The following PCDHA1 variants were observed in gnomAD, a reference collection of about 807,000 sequenced individuals.
The protein encoded by PCDHA1 is protocadherin alpha 1, also known as protocadherin alpha-1.
A neutral mutation model predicts 61.3 loss-of-function variants in PCDHA1; 42 were observed. That is an observed-to-expected ratio of 0.69 (90% CI 0.54 to 0.89). PCDHA1 has a LOEUF of 0.89. Among genes scored for constraint, PCDHA1 ranks in the 40% least tolerant of loss-of-function variants. The pLI, the probability that PCDHA1 is intolerant of heterozygous loss-of-function variation, is 0.00. For missense variants in PCDHA1, 1,256 were observed against 1,235.3 expected, an observed-to-expected ratio of 1.02 and a Z score of -0.25; for synonymous variants, 610 against 553.8, an observed-to-expected ratio of 1.10 and a Z score of -1.43.
intron 1 of PCDHA1, among the ~76,000 whole-genome samples, chr5:140,872,428 G>C (rs2053656212): frequency 6.6e-6 from 1 of 151,990 alleles, no homozygotes; most frequent in African/African-American, 2.4e-5. Context: ...AGAGTTCGAG[G>C]CCTGCCTGGA....
At chr5:140,952,158 G>A (rs2094696814) in intron 1 of PCDHA1, among the ~76,000 whole-genome samples, 1 of 151,946 alleles carries the variant, frequency 6.6e-6, no homozygotes, top group Non-Finnish European at 1.5e-5. Flanking sequence ...GTGGCTTTGT[G>A]GGGTTCAGTT....
intron 1 of PCDHA1, among the ~76,000 whole-genome samples, chr5:140,886,681 C>T (rs1184298079): frequency 1.3e-5 from 2 of 151,832 alleles, no homozygotes; most frequent in Admixed American, 6.6e-5. Context: ...CAAAAATTAG[C>T]GAGGCATGGT....
At chr5:140,961,617 C>A (rs781986571) in intron 1 of PCDHA1, among the ~76,000 whole-genome samples, 47 of 152,204 alleles carry the variant, frequency 3.1e-4, no homozygotes, top group Middle Eastern at 3.4e-3. Context: ...AACTAAAGTG[C>A]CCATATGAAA....
At chr5:140,841,749 C>T in intron 1 of PCDHA1, 1 of 1,613,878 alleles carries the variant, frequency 6.2e-7, no homozygotes, top group Non-Finnish European at 8.5e-7. Flanking sequence ...CTGTTTGTTT[C>T]AGAATCCAGA....
At chr5:140,818,883 G>T (rs960281894) in intron 1 of PCDHA1, among the ~76,000 whole-genome samples, 4 of 152,162 alleles carry the variant, frequency 2.6e-5, no homozygotes, top group African/African-American at 9.6e-5. Context: ...GCCTGAGATT[G>T]CATCTCTTGA....
chr5:140,786,933 A>C lies in PCDHA1; in HGVS notation c.643A>C (p.Thr215Pro), dbSNP rs1554117604. 2 of 1,614,178 alleles carry C rather than the reference A, an allele frequency of 1.2e-6. No homozygotes were observed. Among genetic ancestry groups the C allele is most frequent in the South Asian group, 2.2e-5 (2 of 91,082 alleles). Residue 215 changes from threonine to proline, a missense_variant, in exon 1 of 4, where the codon ACT becomes CCT. Transcript: ENST00000504120. ...AGAACTTCACTTATTACTGACTGCC[A>C]CTGATGGGGGCAAACCGGAGCTGCA... ...TPELHLLLTA[T>P]DGGKPELQGT...
intron 1 of PCDHA1, chr5:140,817,261 G>A (rs1417555256): frequency 6.6e-6 from 1 of 152,206 alleles, no homozygotes. Context: ...ATTTCCCCCT[G>A]TTTGAATGGA....
At chr5:140,836,568 G>A (rs2150264277) in intron 1 of PCDHA1, 2 of 1,613,778 alleles carry the variant, frequency 1.2e-6, no homozygotes, top group Non-Finnish European at 1.7e-6. Context: ...GCCGTCCTCT[G>A]AGGGCGCATG....
In PCDHA1 at chr5:140,802,587, G is replaced by C. The variant is rs781821131; in HGVS notation, c.2394+13903G>C. The C allele has an allele frequency of 6.2e-7, 1 of 1,614,126 alleles. No individual in the cohort carries two copies. The highest frequency in any genetic ancestry group is 1.1e-5 in the South Asian group (1 of 91,088). On this transcript the variant is annotated intron_variant, in intron 1 of 3. Transcript: ENST00000504120. ...CTCGCAGTCCGAGTACACGGTGTTC[G>C]TGAAGGAGAACAACCCGCCGGGCTG...
At chr5:140,950,997 A>G (rs782438146) in intron 1 of PCDHA1, among the ~76,000 whole-genome samples, 6 of 151,460 alleles carry the variant, frequency 4.0e-5, no homozygotes, top group Non-Finnish European at 7.4e-5. Flanking sequence ...TTTTAGCTCC[A>G]TTTTTCCCAA....
intron 1 of PCDHA1, chr5:140,843,073 T>A: frequency 6.3e-7 from 1 of 1,595,338 alleles, no homozygotes; most frequent in East Asian, 2.2e-5. Flanking sequence ...TGCCGCGGTC[T>A]GTGGGCGCGG....
intron 1 of PCDHA1, among the ~76,000 whole-genome samples, chr5:140,880,775 ATGTT>A (rs1320602954): frequency 6.6e-6 from 1 of 152,230 alleles, no homozygotes; most frequent in Admixed American, 6.5e-5. Context: ...GCTAAAAAGA[ATGTT>A]AGAGGAGTAA....
At chr5:140,982,900 C>G (rs1443607900) in intron 3 of PCDHA1, among the ~76,000 whole-genome samples, 1 of 151,932 alleles carries the variant, frequency 6.6e-6, no homozygotes, top group African/African-American at 2.4e-5. Flanking sequence ...ATCTGGTGGC[C>G]TTATGCACAG....
chr5:140,953,364 G>T (rs1177357093), intron 1 of PCDHA1, among the ~76,000 whole-genome samples: 1 of 152,088 alleles, frequency 6.6e-6, no homozygotes, highest in Non-Finnish European at 1.5e-5. Flanking sequence ...TGCACTCAAG[G>T]ATTCTCTACC....
chr5:140,876,837 C>G (rs782753877), intron 1 of PCDHA1: 3 of 1,614,148 alleles, frequency 1.9e-6, no homozygotes, highest in African/African-American at 1.3e-5. Context: ...CGCCTGCGTT[C>G]GCGCAGCCCG....
intron 1 of PCDHA1, among the ~76,000 whole-genome samples, chr5:140,792,537 T>A (rs1412307139): frequency 6.6e-6 from 1 of 152,214 alleles, no homozygotes; most frequent in Admixed American, 6.5e-5. Context: ...TACTTGCATA[T>A]CTGGCAATAG....
intron 1 of PCDHA1, among the ~76,000 whole-genome samples, chr5:140,931,344 A>G (rs1233861770): frequency 6.6e-6 from 1 of 151,910 alleles, no homozygotes; most frequent in East Asian, 1.9e-4. Flanking sequence ...GGAGTGAGGA[A>G]TTTTTTTTAG....
intron 1 of PCDHA1, chr5:140,871,241 C>T (rs782602807): frequency 2.5e-6 from 4 of 1,613,972 alleles, no homozygotes; most frequent in Admixed American, 1.7e-5. Flanking sequence ...CTGGTACTCA[C>T]GCTGCTGCTG....
intron 1 of PCDHA1, among the ~76,000 whole-genome samples, chr5:140,893,669 C>T (rs1204530639): frequency 6.6e-6 from 1 of 152,158 alleles, no homozygotes; most frequent in African/African-American, 2.4e-5. Flanking sequence ...AAAATTTCAG[C>T]ACTTTGGATA....
Sources: allele counts gnomAD v4.1 joint callset (sites outside exome capture counted in the v4.1 genomes callset), GRCh38; gene constraint gnomAD v4.1.1; transcripts MANE v1.5; gene names NCBI Gene and HGNC (gene_info 2026-07-23, HGNC 2026-07-21).